The following PPID variants were observed in gnomAD, a reference collection of about 807,000 sequenced individuals.
PPID encodes peptidyl-prolyl cis-trans isomerase D.
A neutral mutation model predicts 48.1 loss-of-function variants in PPID; 47 were observed. The observed-to-expected ratio is 0.98, with a 90% CI of 0.77 to 1.25. The LOEUF is 1.25. PPID is among the 50% of genes most tolerant of loss of function. The pLI, the probability that PPID is intolerant of heterozygous loss-of-function variation, is 0.00. For synonymous variants in PPID, 163 were observed against 148.8 expected (o/e 1.10, Z -0.69); for missense variants, 429 against 443.5 (o/e 0.97, Z 0.29).
chr4:158,713,271 C>A lies in PPID; in HGVS notation c.753-11G>T. 1 of 1,591,818 alleles carries A rather than the reference C, an allele frequency of 6.3e-7. No individual in the cohort carries two copies. The highest frequency in any genetic ancestry group is 8.5e-7 in the Non-Finnish European group (1 of 1,170,634). On this transcript the variant is annotated splice_polypyrimidine_tract_variant and intron_variant, in intron 6 of 9. Transcript: ENST00000307720. ...GAACTGTCCACGTATCTGCAGAATG[C>A]ATTAATAAAAGCAGTATGAAAGACC... is the stretch of plus-strand genomic sequence containing the variant.
At chr4:158,718,051 C>A (rs1035422316) in intron 3 of PPID, among the ~76,000 whole-genome samples, 2 of 152,184 alleles carry the variant, frequency 1.3e-5, no homozygotes, top group African/African-American at 2.4e-5. Context: ...TTTAAGGCCA[C>A]CACGTTTATA....
intron 4 of PPID, among the ~76,000 whole-genome samples, chr4:158,716,774 A>G (rs928252088): frequency 6.6e-6 from 1 of 152,142 alleles, no homozygotes. Context: ...CCTGGCCAAC[A>G]TGGTGAAACC....
intron 3 of PPID, among the ~76,000 whole-genome samples, chr4:158,718,570 A>G (rs1029828855): frequency 2.6e-5 from 4 of 152,228 alleles, no homozygotes; most frequent in African/African-American, 9.7e-5. Context: ...TAGTGGCTCA[A>G]TAAACACTGA....
chr4:158,721,521 C>G, intron 1 of PPID, 38 bp from the exon 2 acceptor site: 3 of 1,591,886 alleles, frequency 1.9e-6, no homozygotes, highest in Non-Finnish European at 2.6e-6. Context: ...TGCAAAACAA[C>G]CAAATAGACA....
intron 1 of PPID, among the ~76,000 whole-genome samples, chr4:158,722,961 G>A (rs927316024): frequency 2.0e-5 from 3 of 152,184 alleles, no homozygotes; most frequent in African/African-American, 7.2e-5. Flanking sequence ...CCTAAAGGAC[G>A]CCACAATTCC....
Position 158,709,682 on chromosome 4 carries a change from A to C in PPID, c.*54T>G. 7.4e-7 allele frequency: 1 copy of C among 1,342,826 alleles called. No individual in the cohort carries two copies. Among genetic ancestry groups the C allele is most frequent in the Non-Finnish European group, 1.1e-6 (1 of 949,948 alleles). The allele number at this position is 1,342,826 out of a possible 1,614,324, so 83.2% of individuals were successfully genotyped here. On this transcript the variant is annotated 3_prime_UTR_variant, in exon 10 of 10. Coordinates refer to ENST00000307720, the MANE Select transcript of PPID (RefSeq NM_005038.3). ...CATATTCATAGACAAAAACCTTTAC[A>C]TTTTCTTATTGCATTTATACAATCA...
At chr4:158,713,340 T>A in intron 6 of PPID, 80 bp from the exon 7 acceptor site, 1 of 1,260,538 alleles carries the variant, frequency 7.9e-7, no homozygotes, top group Non-Finnish European at 1.1e-6. Context: ...AAGTGTTATG[T>A]CATTTCTGAT....
At chr4:158,717,802 G>A (rs1200637674) in intron 3 of PPID, among the ~76,000 whole-genome samples, 2 of 152,128 alleles carry the variant, frequency 1.3e-5, no homozygotes, top group South Asian at 2.1e-4. Flanking sequence ...TCACCTCTTC[G>A]GAGAGTGCTC....
chr4:158,716,948 G>T, intron 4 of PPID, 64 bp downstream of exon 4: 1 of 1,518,780 alleles, frequency 6.6e-7, no homozygotes, highest in South Asian at 1.1e-5. Flanking sequence ...AACAGATCGA[G>T]ACTCCGTCTC....
chr4:158,721,767 T>C (rs1283155049), intron 1 of PPID, among the ~76,000 whole-genome samples: 2 of 152,204 alleles, frequency 1.3e-5, no homozygotes, highest in Non-Finnish European at 2.9e-5. Context: ...CATTCTCTAC[T>C]TCAAGGTCAA....
chr4:158,715,643 A>G lies in PPID; in HGVS notation c.564T>C (p.Asp188=), dbSNP rs1463976000. 3.1e-6 allele frequency: 5 copies of G among 1,610,784 alleles called. No homozygotes were observed. The highest frequency in any genetic ancestry group is 2.2e-5 in the South Asian group (2 of 91,028). The change falls in exon 5 of 10, where the codon GAT becomes GAC. Residue 188 remains aspartate (D), a synonymous_variant. Transcript: ENST00000307720. ...IAECGELKEG[D]DGGIFPKDGS... is the part of the protein sequence containing the mutation. ...CATCTTTTGGGAATATTCCCCCGTC[A>G]TCTCCTTCCTTCAATTCTCCACATT... is the stretch of plus-strand genomic sequence containing the variant.
intron 8 of PPID, 43 bp downstream of exon 8, chr4:158,710,716 GGTA>G: frequency 6.2e-7 from 1 of 1,609,582 alleles, no homozygotes; most frequent in South Asian, 1.1e-5. Context: ...GATTTATAAA[GGTA>G]GTTGTCTATT....
At chr4:158,716,559 TAAAAA>T (rs33958032) in intron 4 of PPID, among the ~76,000 whole-genome samples, 2 of 138,252 alleles carry the variant, frequency 1.4e-5, no homozygotes, top group East Asian at 4.2e-4. Flanking sequence ...GTAGAAAAGT[TAAAAA>T]AAAAAAAAAA....
chr4:158,721,356 G>A lies in PPID; in HGVS notation c.213C>T (p.Cys71=), dbSNP rs746598178. 1 of 1,614,058 alleles carries A rather than the reference G, an allele frequency of 6.2e-7. No homozygotes were observed. Among genetic ancestry groups the A allele is most frequent in the Admixed American group, 1.7e-5 (1 of 60,012 alleles). The change falls in exon 2 of 10, where the codon TGC becomes TGT. Residue 71 remains cysteine, a synonymous_variant. Transcript: ENST00000307720. ...ATTTACACATACTTCGATGAAAAGG[G>A]CATCCTTTGAAATGGAGAGGTTTCC... is the stretch of plus-strand genomic sequence containing the variant. ...TTGKPLHFKG[C]PFHRIIKKFM...
rs1774956542 is a variant in PPID, at chr4:158,721,376, G to T, written c.193C>A (p.Pro65Thr). 3.7e-6 allele frequency: 6 copies of T among 1,613,980 alleles called. No individual in the cohort carries two copies. Among genetic ancestry groups the T allele is most frequent in the Non-Finnish European group, 4.2e-6 (5 of 1,180,012 alleles). ...EKGIGHTTGK[P>T]LHFKGCPFHR... ...AAAGGGCATCCTTTGAAATGGAGAG[G>T]TTTCCCAGTCGTGTGTCCAATGCCT... Residue 65 changes from proline (P) to threonine (T), a missense_variant, in exon 2 of 10, where the codon CCT becomes ACT. Transcript: ENST00000307720.
chr4:158,718,593 C>T (rs956449640), intron 3 of PPID, among the ~76,000 whole-genome samples: 7 of 152,130 alleles, frequency 4.6e-5, no homozygotes, highest in Admixed American at 3.9e-4. Flanking sequence ...GGAAGACTGA[C>T]GACATTTTTT....
chr4:158,719,475 T>C (rs1774922258), intron 2 of PPID, among the ~76,000 whole-genome samples, 189 bp from the exon 3 acceptor site: 1 of 152,166 alleles, frequency 6.6e-6, no homozygotes, highest in Non-Finnish European at 1.5e-5. Flanking sequence ...ATCCAACCTA[T>C]TTTCACTGCC....
At chr4:158,715,945 G>A (rs1327948662) in intron 4 of PPID, among the ~76,000 whole-genome samples, 1 of 152,150 alleles carries the variant, frequency 6.6e-6, no homozygotes, top group Non-Finnish European at 1.5e-5. Context: ...GTGGCATTAG[G>A]TGGGGCATGA....
In PPID at chr4:158,709,692, T is replaced by TAAG. The variant is rs1774747369; in HGVS notation, c.*43_*44insCTT. ...GACAAAAACCTTTACATTTTCTTATTGCATTTATACAATCAACACACAATA... is the reference window on the plus strand; with the variant it reads ...GACAAAAACCTTTACATTTTCTTATTAAGGCATTTATACAATCAACACACAATA... On this transcript the variant is annotated 3_prime_UTR_variant, in exon 10 of 10. Transcript: ENST00000307720. The TAAG allele has an allele frequency of 7.2e-7, 1 of 1,394,144 alleles. No homozygotes were observed. Among genetic ancestry groups the TAAG allele is most frequent in the African/African-American group, 1.4e-5 (1 of 69,890 alleles). The allele number at this position is 1,394,144 out of a possible 1,614,324, so 86.4% of individuals were successfully genotyped here.
Sources: allele counts gnomAD v4.1 joint callset (sites outside exome capture counted in the v4.1 genomes callset), GRCh38; gene constraint gnomAD v4.1.1; transcripts MANE v1.5; gene names NCBI Gene and HGNC (gene_info 2026-07-23, HGNC 2026-07-21).